The following TRMT1L variants were observed in gnomAD, a reference collection of about 807,000 sequenced individuals.
The protein encoded by TRMT1L is tRNA (guanine(27)-N(2))-dimethyltransferase.
Under a neutral mutation model 81.6 loss-of-function variants are expected in TRMT1L, and 28 were observed. That is an observed-to-expected ratio of 0.34 (90% CI 0.25 to 0.47). The LOEUF (loss-of-function observed/expected upper bound fraction) is 0.47. TRMT1L is among the 20% of genes least tolerant of loss of function. TRMT1L has a pLI of 1.00. For missense variants in TRMT1L, 739 were observed against 877.1 expected, an observed-to-expected ratio of 0.84 and a Z score of 1.99; for synonymous variants, 301 against 303.2, an observed-to-expected ratio of 0.99 and a Z score of 0.07.
chr1:185,150,264 C>T, intron 3 of TRMT1L, 115 bp downstream of exon 3: 3 of 691,228 alleles, frequency 4.3e-6, no homozygotes, highest in Admixed American at 2.7e-5. Flanking sequence ...GGGCATTAAA[C>T]CCCTCACATT....
intron 13 of TRMT1L, among the ~76,000 whole-genome samples, chr1:185,121,822 T>A (rs548145781): frequency 6.6e-6 from 1 of 152,182 alleles, no homozygotes; most frequent in East Asian, 1.9e-4. Flanking sequence ...AGGGTATATG[T>A]GTAGGTTTGT....
At chr1:185,147,102 T>G in intron 4 of TRMT1L, 80 bp downstream of exon 4, 1 of 941,226 alleles carries the variant, frequency 1.1e-6, no homozygotes, top group Non-Finnish European at 1.6e-6. Context: ...CATACACATT[T>G]TAGTTTCACA....
intron 11 of TRMT1L, among the ~76,000 whole-genome samples, chr1:185,127,898 G>C (rs550461082): frequency 3.9e-5 from 6 of 152,146 alleles, no homozygotes; most frequent in African/African-American, 1.4e-4. Context: ...CAGATCACCT[G>C]AGATCAGGAG....
chr1:185,121,950 C>A (rs921321316), intron 13 of TRMT1L, among the ~76,000 whole-genome samples: 3 of 151,948 alleles, frequency 2.0e-5, no homozygotes, highest in African/African-American at 7.3e-5. Context: ...ATCCCTCCCC[C>A]ATCTAGTAGT....
chr1:185,146,520 G>C (rs1653192531), intron 4 of TRMT1L, among the ~76,000 whole-genome samples: 1 of 151,928 alleles, frequency 6.6e-6, no homozygotes, highest in East Asian at 1.9e-4. Flanking sequence ...CTTAGACTAG[G>C]CTGATGGACC....
intron 10 of TRMT1L, 65 bp from the exon 11 acceptor site, chr1:185,128,812 TATATTA>T: frequency 7.6e-7 from 1 of 1,318,622 alleles, no homozygotes; most frequent in Non-Finnish European, 1.1e-6. Flanking sequence ...TAGTAATTGT[TATATTA>T]ATAATAATGT....
chr1:185,153,648 G>A (rs1653420328), intron 1 of TRMT1L, among the ~76,000 whole-genome samples: 1 of 152,142 alleles, frequency 6.6e-6, no homozygotes. Flanking sequence ...AAAAGGAAAT[G>A]AATCAGACTG....
chr1:185,130,429 AAGC>A (rs1262840124), intron 10 of TRMT1L, among the ~76,000 whole-genome samples: 1 of 152,194 alleles, frequency 6.6e-6, no homozygotes, highest in Admixed American at 6.5e-5. Flanking sequence ...AAAATTTCAG[AAGC>A]AGGAGTCACA....
intron 1 of TRMT1L, among the ~76,000 whole-genome samples, chr1:185,155,016 A>T (rs534012527): frequency 1.3e-5 from 2 of 152,240 alleles, no homozygotes; most frequent in Non-Finnish European, 2.9e-5. Context: ...GACTAACTAG[A>T]TCAACTAAAA....
chr1:185,147,313 C>A, intron 3 of TRMT1L, 67 bp from the exon 4 acceptor site: 1 of 1,226,754 alleles, frequency 8.2e-7, no homozygotes. Flanking sequence ...AAATTATAAG[C>A]AAGTTTTATT....
intron 1 of TRMT1L, among the ~76,000 whole-genome samples, chr1:185,155,959 T>C (rs1322132630): frequency 6.6e-6 from 1 of 152,220 alleles, no homozygotes; most frequent in Admixed American, 6.5e-5. Flanking sequence ...GGAGGCAAGC[T>C]GCTAGCGGGG....
At chr1:185,138,741 T>C (rs930659938) in intron 9 of TRMT1L, among the ~76,000 whole-genome samples, 2 of 152,206 alleles carry the variant, frequency 1.3e-5, no homozygotes, top group African/African-American at 4.8e-5. Context: ...CATCATTTTA[T>C]TCAAACTATA....
intron 2 of TRMT1L, 80 bp downstream of exon 2, chr1:185,151,745 T>A (rs1653355687): frequency 4.1e-6 from 4 of 973,092 alleles, no homozygotes; most frequent in African/African-American, 1.7e-5. Flanking sequence ...AGTCTACTCT[T>A]ACCAAACTTA....
At chr1:185,145,702 G>T in intron 4 of TRMT1L, 134 bp from the exon 5 acceptor site, 1 of 799,224 alleles carries the variant, frequency 1.3e-6, no homozygotes, top group Non-Finnish European at 1.9e-6. Context: ...ATGTGACTTT[G>T]AAGTATCTTA....
intron 10 of TRMT1L, among the ~76,000 whole-genome samples, chr1:185,130,734 A>G (rs560220234): frequency 3.3e-5 from 5 of 152,180 alleles, no homozygotes; most frequent in Non-Finnish European, 7.4e-5. Context: ...TGGTGAGGCT[A>G]AACTATTGAG....
chr1:185,119,864 C>A lies in TRMT1L; in HGVS notation c.*155G>T. Reference sequence around the variant, plus strand: ...AACTTGGAAAGCAAAGCTCCCAAACCAGCTAAGTTAGAAACTGCTCAGTTT... The same window carrying A: ...AACTTGGAAAGCAAAGCTCCCAAACAAGCTAAGTTAGAAACTGCTCAGTTT... On this transcript the variant is annotated 3_prime_UTR_variant, in exon 15 of 15. Transcript: ENST00000367506. The A allele has an allele frequency of 1.1e-6, 1 of 932,378 alleles. No individual in the cohort carries two copies. The highest frequency in any genetic ancestry group is 1.5e-6 in the Non-Finnish European group (1 of 662,838). The allele number at this position is 932,378 out of a possible 1,614,324, so 57.8% of individuals were successfully genotyped here.
intron 11 of TRMT1L, among the ~76,000 whole-genome samples, chr1:185,126,439 C>A (rs1437987668): frequency 6.6e-6 from 1 of 152,140 alleles, no homozygotes; most frequent in East Asian, 1.9e-4. Flanking sequence ...GGATTACAGG[C>A]ATGAACCACC....
intron 5 of TRMT1L, 75 bp downstream of exon 5, chr1:185,145,364 G>C (rs1557991298): frequency 1.4e-6 from 2 of 1,449,638 alleles, no homozygotes; most frequent in Admixed American, 1.8e-5. Flanking sequence ...TTATATTCCT[G>C]ATGTCTGAAA....
Position 185,139,524 on chromosome 1 carries a change from T to C in TRMT1L, c.1165A>G (p.Ile389Val), listed in dbSNP as rs923049524. The change falls in exon 9 of 15, where the codon ATA becomes GTA. Residue 389 changes from isoleucine to valine, a missense_variant. Ile to Val is a conservative substitution (Grantham distance 29). Transcript: ENST00000367506. The part of the protein sequence containing the change: ...VNYLDSAFRN[I>V]RNLGIVSVTS... The stretch of plus-strand genomic sequence containing the variant: ...ACTGACACTATGCCAAGGTTTCTTA[T>C]ATTTCTGAATGCAGAATCTAGATAA... 3 of 1,614,008 alleles carry C rather than the reference T, an allele frequency of 1.9e-6. No individual in the cohort carries two copies. The highest frequency in any genetic ancestry group is 1.3e-5 in the African/African-American group (1 of 75,062).
Sources: allele counts gnomAD v4.1 joint callset (sites outside exome capture counted in the v4.1 genomes callset), GRCh38; gene constraint gnomAD v4.1.1; transcripts MANE v1.5; gene names NCBI Gene and HGNC (gene_info 2026-07-23, HGNC 2026-07-21).